The following IGSF11 variants were observed in gnomAD, a reference collection of about 807,000 sequenced individuals.
IGSF11 encodes the protein CXADR like 1.
A neutral mutation model predicts 41.0 loss-of-function variants in IGSF11; 22 were observed. The observed-to-expected ratio is 0.54, with a 90% CI of 0.38 to 0.77. IGSF11 has a LOEUF of 0.77. Ranked by LOEUF, IGSF11 falls within the 30% of genes least tolerant of loss-of-function variation. The pLI is 0.00. For missense variants in IGSF11, 444 were observed against 530.8 expected (o/e 0.84, Z 1.61); for synonymous variants, 219 against 201.3 (o/e 1.09, Z -0.74).
chr3:119,003,763 A>C (rs1038911241), intron 1 of IGSF11, among the ~76,000 whole-genome samples: 1 of 151,796 alleles, frequency 6.6e-6, no homozygotes, highest in Non-Finnish European at 1.5e-5. Context: ...GCTGGATTAC[A>C]TTTATTGATT....
At chr3:119,023,323 A>T (rs542448387) in intron 1 of IGSF11, among the ~76,000 whole-genome samples, 2 of 151,804 alleles carry the variant, frequency 1.3e-5, no homozygotes, top group South Asian at 4.1e-4. Context: ...GATAGTAAGA[A>T]GATCACGAAG....
At chr3:119,028,468 T>C (rs1200560572) in intron 1 of IGSF11, among the ~76,000 whole-genome samples, 1 of 152,198 alleles carries the variant, frequency 6.6e-6, no homozygotes, top group Non-Finnish European at 1.5e-5. Context: ...AGACTAGTTC[T>C]AACATACAGG....
intron 1 of IGSF11, among the ~76,000 whole-genome samples, chr3:119,074,480 A>C (rs891207149): frequency 7.9e-5 from 12 of 152,012 alleles, no homozygotes; most frequent in Non-Finnish European, 1.3e-4. Context: ...GTACAGATAC[A>C]ACATAGTGGA....
At chr3:119,059,281 A>G (rs1249778232) in intron 1 of IGSF11, among the ~76,000 whole-genome samples, 1 of 152,150 alleles carries the variant, frequency 6.6e-6, no homozygotes, top group Non-Finnish European at 1.5e-5. Flanking sequence ...ATGGAGTTGG[A>G]GACCATTATT....
chr3:119,011,358 AG>A (rs984644139), intron 1 of IGSF11, among the ~76,000 whole-genome samples: 2 of 152,192 alleles, frequency 1.3e-5, no homozygotes, highest in African/African-American at 4.8e-5. Flanking sequence ...AGAGACCAAG[AG>A]AAGGAGAACA....
At position 118,902,912 on chromosome 3, in the gene IGSF11, C is replaced by G; in HGVS notation, c.904G>C (p.Glu302Gln). Residue 302 changes from glutamate to glutamine, a missense_variant, in exon 7 of 7, where the codon GAG becomes CAG. This residue lies in a region of IGSF11 where 223 missense variants were observed against 226.2 expected (regional missense o/e 0.99). Coordinates refer to ENST00000393775, the MANE Select transcript of IGSF11 (RefSeq NM_001015887.3). ...KCSSAKAFHTEISSSDNNTLT... is the reference protein window; with the variant it reads ...KCSSAKAFHTQISSSDNNTLT... ...GTGTTGTTGTCCGAGGAGGAAATCT[C>G]AGTGTGAAATGCTTTGGCAGAAGAA... 6.2e-7 allele frequency: 1 copy of G among 1,614,126 alleles called. No homozygotes were observed. Among genetic ancestry groups the G allele is most frequent in the Non-Finnish European group, 8.5e-7 (1 of 1,179,984 alleles).
intron 1 of IGSF11, among the ~76,000 whole-genome samples, chr3:119,023,015 A>G (rs1190736531): frequency 1.3e-5 from 2 of 152,062 alleles, no homozygotes; most frequent in African/African-American, 2.4e-5. Flanking sequence ...TAACCCCCGC[A>G]CTTTGGGAGG....
intron 1 of IGSF11, chr3:118,944,730 A>G (rs1943986334): frequency 6.6e-6 from 1 of 152,168 alleles, no homozygotes; most frequent in Non-Finnish European, 1.5e-5. Context: ...AATGTTCAAT[A>G]TATTTGATGT....
intron 1 of IGSF11, among the ~76,000 whole-genome samples, chr3:118,979,909 GA>G (rs1204424113): frequency 6.6e-6 from 1 of 152,062 alleles, no homozygotes; most frequent in Non-Finnish European, 1.5e-5. Context: ...GTATACAGAA[GA>G]AAATGCTCAT....
At chr3:118,962,881 A>G (rs1204095887) in intron 1 of IGSF11, among the ~76,000 whole-genome samples, 1 of 152,184 alleles carries the variant, frequency 6.6e-6, no homozygotes, top group Non-Finnish European at 1.5e-5. Flanking sequence ...TTACAGGTAT[A>G]AAAAGCTATA....
At chr3:119,128,740 G>T (rs1189802078) in intron 1 of IGSF11, among the ~76,000 whole-genome samples, 1 of 152,206 alleles carries the variant, frequency 6.6e-6, no homozygotes, top group Non-Finnish European at 1.5e-5. Context: ...TTCAACCATT[G>T]TGGAAGAGAG....
upstream of IGSF11, among the ~76,000 whole-genome samples, chr3:119,106,583 C>T (rs1443837247): frequency 1.3e-5 from 2 of 151,958 alleles, no homozygotes; most frequent in South Asian, 2.1e-4. Flanking sequence ...ACATGTCCCA[C>T]ATTTTTTTTT....
intron 1 of IGSF11, among the ~76,000 whole-genome samples, chr3:118,956,507 G>A (rs1258964912): frequency 1.3e-5 from 2 of 152,102 alleles, no homozygotes; most frequent in African/African-American, 4.8e-5. Flanking sequence ...GTTATCAACT[G>A]GCCTAATTTC....
chr3:119,001,355 G>C (rs1221538453), intron 1 of IGSF11, among the ~76,000 whole-genome samples: 1 of 151,140 alleles, frequency 6.6e-6, no homozygotes, highest in African/African-American at 2.4e-5. Context: ...ACTTCTTTTT[G>C]CTTGGCTTCT....
At chr3:118,928,790 G>C in intron 2 of IGSF11, 74 bp from the exon 3 acceptor site, 1 of 1,068,340 alleles carries the variant, frequency 9.4e-7, no homozygotes, top group South Asian at 1.5e-5. Context: ...CTATTTGGTA[G>C]ACAGTACCAA....
chr3:119,141,825 A>T (rs1260971863), intron 1 of IGSF11, among the ~76,000 whole-genome samples: 4 of 152,068 alleles, frequency 2.6e-5, no homozygotes, highest in African/African-American at 9.7e-5. Flanking sequence ...AACTCTCAGG[A>T]CGGAAAAGTG....
chr3:119,011,951 G>C (rs1247556855), intron 1 of IGSF11, among the ~76,000 whole-genome samples: 2 of 151,820 alleles, frequency 1.3e-5, no homozygotes, highest in South Asian at 2.1e-4. Flanking sequence ...TGTTCTGTGT[G>C]TGTGTGTGTG....
chr3:119,094,209 A>T (rs2076809616), intron 1 of IGSF11, among the ~76,000 whole-genome samples: 1 of 134,556 alleles, frequency 7.4e-6, no homozygotes, highest in Non-Finnish European at 1.6e-5. Flanking sequence ...GGAAAGAAGG[A>T]CTACATAGCG....
intron 6 of IGSF11, 138 bp downstream of exon 6, chr3:118,904,510 C>T: frequency 1.5e-6 from 1 of 668,818 alleles, no homozygotes; most frequent in South Asian, 2.0e-5. Flanking sequence ...AAGTGATATA[C>T]AAGAAAATAC....
Sources: allele counts gnomAD v4.1 joint callset (sites outside exome capture counted in the v4.1 genomes callset), GRCh38; gene constraint gnomAD v4.1.1; regional missense constraint gnomAD v4.1.1; transcripts MANE v1.5; gene names NCBI Gene and HGNC (gene_info 2026-07-23, HGNC 2026-07-21).